MROH1: variants seen among roughly 807,000 people sequenced by gnomAD.
The protein encoded by MROH1 is maestro heat like repeat family member 1, also known as maestro heat-like repeat-containing protein family member 1.
MROH1 carries 117 observed loss-of-function variants against 116.5 expected under a neutral mutation model. That is an observed-to-expected ratio of 1.00 (90% confidence interval 0.86 to 1.17). MROH1 has a LOEUF of 1.17. MROH1 is among the 50% of genes most tolerant of loss of function. The pLI is 0.00. For synonymous variants in MROH1, 921 were observed against 583.9 expected (o/e 1.58, Z -8.32); for missense variants, 1,873 against 1,338.5 (o/e 1.40, Z -6.23).
In MROH1 at chr8:144,182,498, A is replaced by G. The variant is rs532913140; in HGVS notation, c.562+1975A>G. ...ATCCTCAGGAAAATAAGTGGGCATC[A>G]TGCATTCACGGGACAAGAGGTGTCA... On this transcript the variant is annotated intron_variant, in intron 7 of 43. Coordinates refer to ENST00000326134, the MANE Select transcript of MROH1 (RefSeq NM_032450.3). This position sits in a 1 kb window ranked among gnomAD's most constrained non-coding sequence, Gnocchi z 4.1. 5.3e-5 allele frequency among the ~76,000 whole-genome samples: 8 copies of G among 152,348 alleles called. No individual in the cohort carries two copies. In the South Asian group the frequency reaches 1.2e-3, roughly 24 times the overall value.
chr8:144,192,484 A>C (rs1477787729), intron 10 of MROH1, 83 bp downstream of exon 10: 1 of 1,259,470 alleles, frequency 7.9e-7, no homozygotes, highest in African/African-American at 1.5e-5. Context: ...GCAGAAAGCA[A>C]GTTGGGGTGG....
intron 12 of MROH1, among the ~76,000 whole-genome samples, chr8:144,210,386 C>T (rs988099608): frequency 6.7e-5 from 10 of 149,454 alleles, no homozygotes; most frequent in African/African-American, 9.9e-5. Flanking sequence ...TGCAGTGAGC[C>T]GAGATTACGC....
At chr8:144,181,643 C>A (rs1156740463) in intron 7 of MROH1, among the ~76,000 whole-genome samples, 1 of 152,152 alleles carries the variant, frequency 6.6e-6, no homozygotes, top group Non-Finnish European at 1.5e-5. Context: ...CCAGTTTTGG[C>A]TAAAAATGGG....
rs1825898070 is a variant in MROH1 at position 144,182,254 on chromosome 8, G to T, written c.562+1731G>T. Among the ~76,000 whole-genome samples the T allele has an allele frequency of 6.6e-6, 1 of 152,230 alleles. No homozygotes were observed. Among genetic ancestry groups the T allele is most frequent in the Non-Finnish European group, 1.5e-5 (1 of 68,034 alleles). ...TGCCAAGGACAGGAGTGCCCTCAGGGCACTGCAGCCAGGAGGCGAGGAGCC... is the reference window on the plus strand; with the variant it reads ...TGCCAAGGACAGGAGTGCCCTCAGGTCACTGCAGCCAGGAGGCGAGGAGCC... On this transcript the variant is annotated intron_variant, in intron 7 of 43. Transcript: ENST00000326134. The surrounding 1 kb of genome is among the most constrained non-coding windows in gnomAD (Gnocchi z 4.1).
In MROH1 at chr8:144,240,524, G is replaced by GT. The variant is rs1280372547; in HGVS notation, c.1828-45dup. ...ATGTGCCCAGGCTCCAGCCAGCCCT[G>GT]TGAGGGGTCGGGCTCCCAGCCCCTC... On this transcript the variant is annotated intron_variant, in intron 19 of 43. Transcript: ENST00000326134. 4.2e-6 allele frequency: 3 copies of GT among 713,282 alleles called. No individual in the cohort carries two copies. The African/African-American group carries it at 5.2e-5, about 12-fold the overall frequency. 44.2% of individuals were successfully genotyped at this position (713,282 alleles called of 1,614,324 possible).
chr8:144,261,160 T>C lies in MROH1; in HGVS notation c.4718T>C (p.Leu1573Pro). The C allele has an allele frequency of 1.3e-6, 1 of 771,836 alleles. No individual in the cohort carries two copies. The highest frequency in any genetic ancestry group is 2.4e-6 in the Non-Finnish European group (1 of 417,656). 47.8% of individuals were successfully genotyped at this position (771,836 alleles called of 1,614,324 possible). Reference protein sequence around the residue: ...DLLGRLLTTCLFYFKSSWENV... With the variant: ...DLLGRLLTTCPFYFKSSWENV... Reference sequence around the variant, plus strand: ...CTGGGCCGTCTCCTGACCACCTGCCTGTTCTACTTCAAGAGCAGCTGGGAG... The same window carrying C: ...CTGGGCCGTCTCCTGACCACCTGCCCGTTCTACTTCAAGAGCAGCTGGGAG... Residue 1573 changes from leucine (L) to proline (P), a missense_variant, in exon 42 of 44, where the codon CTG (leucine) becomes CCG (proline). Leu to Pro is a moderately conservative substitution (Grantham distance 98, BLOSUM62 -3). Transcript: ENST00000326134.
In MROH1 at chr8:144,241,401, G is replaced by A. The variant is rs1015855517; in HGVS notation, c.2062G>A (p.Ala688Thr). ...YQEEAEREGL[A>T]CCFGICAISH... ...TAAGTGTGCTGCCCCCCAGGGCCTC[G>A]CCTGCTGCTTCGGGATCTGTGCCAT... Residue 688 changes from alanine (A) to threonine (T), a missense_variant, in exon 22 of 44, where the codon GCC (alanine) becomes ACC (threonine). Ala to Thr is a moderately conservative substitution (Grantham distance 58). Transcript: ENST00000326134. 4.0e-5 allele frequency: 31 copies of A among 776,850 alleles called. No individual in the cohort carries two copies. The highest frequency in any genetic ancestry group is 6.5e-5 in the Non-Finnish European group (27 of 417,018). The allele number at this position is 776,850 out of a possible 1,614,324, so 48.1% of individuals were successfully genotyped here.
intron 17 of MROH1, 91 bp downstream of exon 17, chr8:144,239,454 C>A: frequency 1.3e-6 from 1 of 775,734 alleles, no homozygotes; most frequent in Non-Finnish European, 2.4e-6. Context: ...TCTCAGTGGG[C>A]AGCCGCGGTC....
At chr8:144,242,859 G>A (rs980541082) in intron 24 of MROH1, among the ~76,000 whole-genome samples, 2 of 152,290 alleles carry the variant, frequency 1.3e-5, no homozygotes, top group African/African-American at 4.8e-5. Context: ...GGGCCGGGTC[G>A]TGGGCTGTCG....
In MROH1 at chr8:144,182,921, A is replaced by C. The variant is rs187057137; in HGVS notation, c.562+2398A>C. ...GCAAAACCCCGTCTCTACTAAAAAT[A>C]CAAAAAAATTAGCCGGGTGTGGTGG... On this transcript the variant is annotated intron_variant, in intron 7 of 43. Transcript: ENST00000326134. This position sits in a 1 kb window ranked among gnomAD's most constrained non-coding sequence, Gnocchi z 4.1. 5.3e-4 allele frequency among the ~76,000 whole-genome samples: 80 copies of C among 152,330 alleles called. 1 individual carries two copies. The highest frequency in any genetic ancestry group is 5.2e-3 in the Admixed American group (79 of 15,308).
Position 144,247,667 on chromosome 8 carries a change from C to G in MROH1, c.3108C>G (p.His1036Gln). 3.9e-6 allele frequency: 3 copies of G among 766,820 alleles called. No individual in the cohort carries two copies. The highest frequency in any genetic ancestry group is 7.2e-6 in the Non-Finnish European group (3 of 416,518). The allele number at this position is 766,820 out of a possible 1,614,324, so 47.5% of individuals were successfully genotyped here. A position where few individuals can be genotyped will look rare whatever the true frequency, so the allele number is the denominator to read the frequency against. Residue 1036 changes from histidine to glutamine, a missense_variant, in exon 31 of 44, where the codon CAC (histidine) becomes CAG (glutamine). His to Gln is a conservative substitution (Grantham distance 24). Coordinates refer to ENST00000326134, the MANE Select transcript of MROH1 (RefSeq NM_032450.3). ...CCGCCATTCTCTTCCACACCTGCCA[C>G]AGTGTAGGCCAGGTACCAGCTGGGA... The part of the protein sequence containing the change: ...PDPAILFHTC[H>Q]SVGQIIAKRL...
At chr8:144,221,112 G>A (rs947617208) in intron 13 of MROH1, among the ~76,000 whole-genome samples, 1 of 152,146 alleles carries the variant, frequency 6.6e-6, no homozygotes, top group African/African-American at 2.4e-5. Context: ...TAGACCCCCC[G>A]CCCCTCTTCA....
chr8:144,201,980 C>T (rs1399146802), intron 12 of MROH1, among the ~76,000 whole-genome samples: 2 of 149,754 alleles, frequency 1.3e-5, no homozygotes, highest in Non-Finnish European at 3.0e-5. Context: ...ATGGCTAAAC[C>T]GCACTCAAGC....
chr8:144,255,206 G>A (rs1843498544), intron 34 of MROH1, among the ~76,000 whole-genome samples: 1 of 152,230 alleles, frequency 6.6e-6, no homozygotes, highest in Non-Finnish European at 1.5e-5. Flanking sequence ...AACCCAGCTT[G>A]GCAGTGTTTT....
At chr8:144,161,919 C>A (rs1819628592) in intron 2 of MROH1, among the ~76,000 whole-genome samples, 1 of 152,196 alleles carries the variant, frequency 6.6e-6, no homozygotes, top group African/African-American at 2.4e-5. Flanking sequence ...CCTGGGAACT[C>A]TGGCTTGTGA....
chr8:144,239,248 C>T (rs1049676625), intron 16 of MROH1, 69 bp downstream of exon 16: 3 of 772,268 alleles, frequency 3.9e-6, no homozygotes, highest in Admixed American at 1.7e-5. Context: ...CCCACTTCCC[C>T]ATCCTCCAGT....
At chr8:144,167,572 T>TGGGGTGGAGTGGCTGGTTGTC (rs1564377827) in intron 3 of MROH1, among the ~76,000 whole-genome samples, 2 of 150,734 alleles carry the variant, frequency 1.3e-5, no homozygotes, top group Non-Finnish European at 3.0e-5. Context: ...GACTGGTTGT[T>TGGGGTGGAGTGGCTGGTTGTC]GGGGTGGAGT....
At position 144,180,432 on chromosome 8, in the gene MROH1, C is replaced by T. The variant is rs761986930; in HGVS notation, c.471C>T (p.Gly157=). The change falls in exon 7 of 44, where the codon GGC becomes GGT. Residue 157 remains glycine, a synonymous_variant. Coordinates refer to ENST00000326134, the MANE Select transcript of MROH1 (RefSeq NM_032450.3). This position sits in a 1 kb window ranked among gnomAD's most constrained non-coding sequence, Gnocchi z 7.4. ...LASLSVANAF[G]VVPFLPSVLS... ...CGGTGTCCTCTCTCACAGCGTTCGGCGTAGTCCCCTTCCTGCCATCCGTCC... is the reference window on the plus strand; with the variant it reads ...CGGTGTCCTCTCTCACAGCGTTCGGTGTAGTCCCCTTCCTGCCATCCGTCC... 2.0e-5 allele frequency: 33 copies of T among 1,612,962 alleles called. 1 individual carries two copies. Among genetic ancestry groups the T allele is most frequent in the South Asian group, 4.4e-5 (4 of 91,078 alleles).
In MROH1 at chr8:144,244,326, G is replaced by A; in HGVS notation, c.2660G>A (p.Gly887Asp). 3 of 720,246 alleles carry A rather than the reference G, an allele frequency of 4.2e-6. No homozygotes were observed. The highest frequency in any genetic ancestry group is 4.6e-4 in the Middle Eastern group (2 of 4,368). The allele number at this position is 720,246 out of a possible 1,614,324, so 44.6% of individuals were successfully genotyped here. Residue 887 changes from glycine (G) to aspartate (D), a missense_variant, in exon 27 of 44, where the codon GGC becomes GAC. Coordinates refer to ENST00000326134, the MANE Select transcript of MROH1 (RefSeq NM_032450.3). ...LLPEPKEEDGGCQKSLYLETL... is the reference protein window; with the variant it reads ...LLPEPKEEDGDCQKSLYLETL... ...CCTGAGCCCAAGGAGGAGGACGGAG[G>A]CTGCCAGAAGGTATCCCTGTGTTTC...
Sources: gnomAD v4.1 joint callset for allele counts (sites outside exome capture counted in the v4.1 genomes callset) on GRCh38, gnomAD v4.1.1 for gene constraint, Gnocchi (gnomAD v3.1) non-coding constraint, MANE v1.5 for transcripts, NCBI Gene and HGNC (gene_info 2026-07-23, HGNC 2026-07-21) for gene names.